The following MYO1C variants were observed in gnomAD, a reference collection of about 807,000 sequenced individuals.
MYO1C encodes myosin IC.
In MYO1C, 104 loss-of-function variants were observed where a neutral mutation model predicts 150.8. That is an observed-to-expected ratio of 0.69 (90% confidence interval 0.59 to 0.81). The LOEUF (loss-of-function observed/expected upper bound fraction) is 0.81, where lower values mean the gene tolerates loss of function less well. Ranked by LOEUF, MYO1C falls within the 30% of genes least tolerant of loss-of-function variation. The pLI is 0.00. For missense variants in MYO1C, 1,504 were observed against 1,435.0 expected, an observed-to-expected ratio of 1.05 and a Z score of -0.78; for synonymous variants, 663 against 579.9, an observed-to-expected ratio of 1.14 and a Z score of -2.06.
At chr17:1,469,349 A>C in intron 25 of MYO1C, 182 bp downstream of exon 25, 1 of 648,806 alleles carries the variant, frequency 1.5e-6, no homozygotes, top group Admixed American at 2.1e-5. Flanking sequence ...GGCGGGGTAA[A>C]TACGGTAGAC....
intron 17 of MYO1C, 192 bp from the exon 18 acceptor site, chr17:1,472,420 G>T: frequency 1.7e-6 from 1 of 599,028 alleles, no homozygotes; most frequent in Non-Finnish European, 3.0e-6. Flanking sequence ...CCTCTGGCTG[G>T]GCGAGAGACC....
At chr17:1,467,004 C>T (rs1484210133) in intron 31 of MYO1C, among the ~76,000 whole-genome samples, 2 of 151,522 alleles carry the variant, frequency 1.3e-5, no homozygotes, top group East Asian at 2.0e-4. Context: ...GTGATCCACC[C>T]GCCTCAGCCT....
At position 1,479,683 on chromosome 17, in the gene MYO1C, C is replaced by T. The variant is rs955574837; in HGVS notation, c.929G>A (p.Ser310Asn). 1.9e-6 allele frequency: 3 copies of T among 1,612,802 alleles called. No individual in the cohort carries two copies. Among genetic ancestry groups the T allele is most frequent in the Non-Finnish European group, 2.5e-6 (3 of 1,179,610 alleles). ...GTGGATGTTGCCCAAATGAAGGACG[C>T]TGGCCACGATGCTCAGCAGGTCCTG... ...EVEDLLSIVA[S>N]VLHLGNIHFA... is the part of the protein sequence containing the mutation. The change falls in exon 8 of 32, where the codon AGC becomes AAC. Residue 310 changes from serine (S) to asparagine (N), a missense_variant. Ser to Asn is a conservative substitution (Grantham distance 46). Coordinates refer to ENST00000648651, the MANE Select transcript of MYO1C (RefSeq NM_001080779.2). The surrounding 1 kb of genome is among the most constrained non-coding windows in gnomAD (Gnocchi z 4.2).
Position 1,467,253 on chromosome 17 carries a change from G to T in MYO1C, c.3154C>A (p.His1052Asn). The change falls in exon 31 of 32, where the codon CAC (histidine) becomes AAC (asparagine). Residue 1052 changes from histidine to asparagine, a missense_variant. His to Asn is a moderately conservative substitution (Grantham distance 68, BLOSUM62 1). Coordinates refer to ENST00000648651, the MANE Select transcript of MYO1C (RefSeq NM_001080779.2). ...ELLITKAKNG[H>N]LAVVAPRLNS... ...CAGGCCCCACTCACCACAGCCAGGT[G>T]CCCGTTCTTGGCCTTGGTGATGAGC... The T allele has an allele frequency of 6.2e-7, 1 of 1,612,502 alleles. No individual in the cohort carries two copies. The highest frequency in any genetic ancestry group is 8.5e-7 in the Non-Finnish European group (1 of 1,179,352).
Position 1,470,322 on chromosome 17 carries a change from G to A in MYO1C, c.2379C>T (p.Gly793=). 6 of 1,529,240 alleles carry A rather than the reference G, an allele frequency of 3.9e-6. No individual in the cohort carries two copies. The highest frequency in any genetic ancestry group is 1.4e-5 in the African/African-American group (1 of 72,382). The allele number at this position is 1,529,240 out of a possible 1,614,324, so 94.7% of individuals were successfully genotyped here. ...AGCGGGGGGCGTGGCGCAGGACGAAGCCTCGGATGAGCCTGGGGTGGGGGG... is the reference window on the plus strand; with the variant it reads ...AGCGGGGGGCGTGGCGCAGGACGAAACCTCGGATGAGCCTGGGGTGGGGGG... ...AAQTIRRLIR[G]FVLRHAPRCP... Residue 793 remains glycine (G), a synonymous_variant, in exon 24 of 32, where the codon GGC becomes GGT. Transcript: ENST00000648651.
intron 5 of MYO1C, among the ~76,000 whole-genome samples, chr17:1,481,639 A>T (rs990444083): frequency 1.3e-5 from 2 of 151,762 alleles, no homozygotes; most frequent in Non-Finnish European, 2.9e-5. Flanking sequence ...TAGCTGGGAC[A>T]ACAGGCACAC....
intron 25 of MYO1C, chr17:1,469,266 T>C (rs80239007): frequency 2.0e-6 from 1 of 499,292 alleles, no homozygotes. Context: ...ATACAGTAGA[T>C]TGCGGTAAAT....
In MYO1C at chr17:1,467,862, T is replaced by C; in HGVS notation, c.2945A>G (p.Gln982Arg). Residue 982 changes from glutamine to arginine, a missense_variant, in exon 29 of 32, where the codon CAG becomes CGG. Transcript: ENST00000648651. ...LSDSLFVLHVQRADNKQKGDV... is the reference protein window; with the variant it reads ...LSDSLFVLHVRRADNKQKGDV... The stretch of plus-strand genomic sequence containing the variant: ...CACCTTTTGCTTATTGTCCGCACGC[T>C]GTACATGAAGCACAAAAAGACTGTC... The C allele has an allele frequency of 6.3e-7, 1 of 1,597,934 alleles. No individual in the cohort carries two copies. Among genetic ancestry groups the C allele is most frequent in the Non-Finnish European group, 8.5e-7 (1 of 1,172,086 alleles).
At chr17:1,485,911 T>TGGGGGTGTCGGGGCG (rs1255207295) in intron 1 of MYO1C, 1 of 145,294 alleles carries the variant, frequency 6.9e-6, no homozygotes, top group Non-Finnish European at 1.5e-5. Flanking sequence ...TTGGTGGAGG[T>TGGGGGTGTCGGGGCG]GGGGGTGTCG....
Position 1,474,857 on chromosome 17 carries a change from C to T in MYO1C, c.1671G>A (p.Gly557=). The T allele has an allele frequency of 6.2e-7, 1 of 1,610,222 alleles. No individual in the cohort carries two copies. Among genetic ancestry groups the T allele is most frequent in the South Asian group, 1.1e-5 (1 of 91,030 alleles). The change falls in exon 16 of 32, where the codon GGG becomes GGA. Residue 557 remains glycine (G), a splice_region_variant and synonymous_variant. Coordinates refer to ENST00000648651, the MANE Select transcript of MYO1C (RefSeq NM_001080779.2). ...YAGEVTYSVT[G]FLDKNNDLLF... ...GAAGGTCATTGTTTTTGTCCAGAAA[C>T]CCTGGGAGGGGAGAACCGACGTGAG...
At position 1,485,272 on chromosome 17, in the gene MYO1C, G is replaced by A. The variant is rs1488828486; in HGVS notation, c.76-969C>T. On this transcript the variant is annotated intron_variant, in intron 1 of 31. Coordinates refer to ENST00000648651, the MANE Select transcript of MYO1C (RefSeq NM_001080779.2). ...AAAATGGACACCCAGAGTATCCAGG[G>A]TCAGAGAAGAACAAGGTGGTGGTGA... The A allele has an allele frequency of 2.6e-6, 3 of 1,156,052 alleles. No homozygotes were observed. The Admixed American group carries it at 1.3e-4, about 50-fold the overall frequency. The allele number at this position is 1,156,052 out of a possible 1,614,324, so 71.6% of individuals were successfully genotyped here.
Position 1,468,248 on chromosome 17 carries a change from C to A in MYO1C, c.2760+5G>T. The A allele has an allele frequency of 1.2e-6, 2 of 1,613,448 alleles. No homozygotes were observed. The highest frequency in any genetic ancestry group is 1.1e-5 in the South Asian group (1 of 91,050). ...CTGGACTCAGGGCTGCAGGCAGGCT[C>A]TTACCTGAATGGGCTCAGAGCCCAA... On this transcript the variant is annotated splice_donor_5th_base_variant and intron_variant, in intron 27 of 31. Coordinates refer to ENST00000648651, the MANE Select transcript of MYO1C (RefSeq NM_001080779.2).
intron 17 of MYO1C, among the ~76,000 whole-genome samples, chr17:1,473,415 C>T (rs1326275428): frequency 6.6e-6 from 1 of 152,044 alleles, no homozygotes; most frequent in African/African-American, 2.4e-5. Flanking sequence ...GTGTAGGCAT[C>T]CTCAGCAGGG....
intron 26 of MYO1C, 25 bp from the exon 27 acceptor site, chr17:1,468,333 A>G: frequency 6.2e-7 from 1 of 1,613,904 alleles, no homozygotes; most frequent in Non-Finnish European, 8.5e-7. Flanking sequence ...GCGGGGAGGG[A>G]AGTCAGTGGA....
rs778489114 is a variant in MYO1C, at chr17:1,479,739, GA to G, written c.907-35del. ...GCAGGCCGGGGGCAGGAGGGGGTGAGAGGGGCCAGAGAGCCCCAAGAGGGCA... is the reference window on the plus strand; with the variant it reads ...GCAGGCCGGGGGCAGGAGGGGGTGAGGGGGCCAGAGAGCCCCAAGAGGGCA... On this transcript the variant is annotated intron_variant, in intron 7 of 31. Transcript: ENST00000648651. This position sits in a 1 kb window ranked among gnomAD's most constrained non-coding sequence, Gnocchi z 4.2. 5.9e-6 allele frequency: 9 copies of G among 1,523,006 alleles called. No homozygotes were observed. The highest frequency in any genetic ancestry group is 8.1e-6 in the Non-Finnish European group (9 of 1,111,156). The allele number at this position is 1,523,006 out of a possible 1,614,324, so 94.3% of individuals were successfully genotyped here.
At position 1,478,003 on chromosome 17, in the gene MYO1C, G is replaced by A. The variant is rs768907602; in HGVS notation, c.1402-32C>T. On this transcript the variant is annotated intron_variant, in intron 12 of 31. Transcript: ENST00000648651. This position sits in a 1 kb window ranked among gnomAD's most constrained non-coding sequence, Gnocchi z 6.3. ...GGCAGAAGGGAAGGAAGGGATCACC[G>A]TGGGGTCCTGGCACCCTCTCCCAGG... The A allele has an allele frequency of 1.9e-6, 3 of 1,612,200 alleles. No individual in the cohort carries two copies. Among genetic ancestry groups the A allele is most frequent in the Non-Finnish European group, 1.7e-6 (2 of 1,178,248 alleles).
chr17:1,469,653 G>A lies in MYO1C; in HGVS notation c.2527-39C>T, dbSNP rs1362138121. 4.0e-6 allele frequency: 6 copies of A among 1,513,228 alleles called. No homozygotes were observed. In the African/African-American group the frequency reaches 5.5e-5, roughly 14 times the overall value. 93.7% of individuals were successfully genotyped at this position (1,513,228 alleles called of 1,614,324 possible). A position where few individuals can be genotyped will look rare whatever the true frequency, so the allele number is the denominator to read the frequency against. On this transcript the variant is annotated intron_variant, in intron 24 of 31. Transcript: ENST00000648651. Reference sequence around the variant, plus strand: ...TGAGGTCAGAGGTCCTGGACACCCTGGGCCCTTCCCTCTGAAGACATCGAA... The same window carrying A: ...TGAGGTCAGAGGTCCTGGACACCCTAGGCCCTTCCCTCTGAAGACATCGAA...
Position 1,478,031 on chromosome 17 carries a change from C to A in MYO1C, c.1401+56G>T, listed in dbSNP as rs2074435733. ...GGGTCCTGGCACCCTCTCCCAGGGGCCCCGATACCCAGGCTCCCCGTGGCC... is the reference window on the plus strand; with the variant it reads ...GGGTCCTGGCACCCTCTCCCAGGGGACCCGATACCCAGGCTCCCCGTGGCC... On this transcript the variant is annotated intron_variant, in intron 12 of 31. Transcript: ENST00000648651. The surrounding 1 kb of genome is among the most constrained non-coding windows in gnomAD (Gnocchi z 6.3). The A allele has an allele frequency of 1.2e-6, 2 of 1,612,200 alleles. No individual in the cohort carries two copies. The highest frequency in any genetic ancestry group is 1.7e-6 in the Non-Finnish European group (2 of 1,178,334).
chr17:1,468,158 G>A (rs777145466), intron 27 of MYO1C, 35 bp from the exon 28 acceptor site: 4 of 1,612,522 alleles, frequency 2.5e-6, no homozygotes, highest in Non-Finnish European at 3.4e-6. Flanking sequence ...GGGCTGGGGA[G>A]AGGCTCCCAA....
Sources: allele counts gnomAD v4.1 joint callset (sites outside exome capture counted in the v4.1 genomes callset), GRCh38; gene constraint gnomAD v4.1.1; non-coding constraint Gnocchi (gnomAD v3.1); transcripts MANE v1.5; gene names NCBI Gene and HGNC (gene_info 2026-07-23, HGNC 2026-07-21).